Variants in ANGPT2 observed in about 807,000 individuals in gnomAD.
ANGPT2 encodes angiopoietin-2.
Under a neutral mutation model 62.9 loss-of-function variants are expected in ANGPT2, and 28 were observed. The ratio of observed to expected loss-of-function variants is 0.44; its 90% CI spans 0.33 to 0.61. The LOEUF (loss-of-function observed/expected upper bound fraction) is 0.61, where lower values mean the gene tolerates loss of function less well. Ranked by LOEUF, ANGPT2 falls within the 20% of genes least tolerant of loss-of-function variation. The pLI is 0.03. For missense variants in ANGPT2, 727 were observed against 594.9 expected (o/e 1.22, Z -2.31); for synonymous variants, 284 against 207.8 (o/e 1.37, Z -3.15).
At chr8:6,515,908 C>T (rs1816178763) in intron 5 of ANGPT2, among the ~76,000 whole-genome samples, 1 of 152,172 alleles carries the variant, frequency 6.6e-6, no homozygotes, top group South Asian at 2.1e-4. Context: ...TATTCCTGTT[C>T]TTTCATTTCC....
At position 6,505,263 on chromosome 8, in the gene ANGPT2, T is replaced by TATATAC. The variant is rs1563305315; in HGVS notation, c.1328-2003_1328-2002insGTATAT. On this transcript the variant is annotated intron_variant, in intron 8 of 8. Transcript: ENST00000629816. Reference sequence around the variant, plus strand: ...GAATATATATTCTTTATATATGTTTTATATATATGTATACATATATATGTT... The same window carrying TATATAC: ...GAATATATATTCTTTATATATGTTTTATATACATATATATGTATACATATATATGTT... Among the ~76,000 whole-genome samples, 3 of 78,028 alleles carry TATATAC rather than the reference T, an allele frequency of 3.8e-5. 1 individual carries two copies. Among genetic ancestry groups the TATATAC allele is most frequent in the African/African-American group, 1.4e-4 (3 of 21,680 alleles). 51.2% of individuals were successfully genotyped at this position (78,028 alleles called of 152,430 possible).
intron 1 of ANGPT2, among the ~76,000 whole-genome samples, chr8:6,554,013 G>C (rs1214725505): frequency 2.0e-5 from 3 of 151,606 alleles, no homozygotes; most frequent in African/African-American, 4.9e-5. Context: ...GCACAACTCA[G>C]GTTTAACCTT....
rs138666832 is a variant in ANGPT2 at position 6,549,684 on chromosome 8, C to T, written c.288+12963G>A. ...GCTGCCTGCAGGGGAAGAAGCCTTC[C>T]GTATCGAGCTGGGCGGTCATTACAC... On this transcript the variant is annotated intron_variant, in intron 1 of 8. Transcript: ENST00000629816. 3.8e-3 allele frequency among the ~76,000 whole-genome samples: 503 copies of T among 134,038 alleles called. 5 individuals are homozygous for T. The highest frequency in any genetic ancestry group is 5.6e-3 in the Non-Finnish European group (361 of 64,072). 87.9% of individuals were successfully genotyped at this position (134,038 alleles called of 152,430 possible).
chr8:6,532,592 ATCT>A, intron 1 of ANGPT2, 105 bp from the exon 2 acceptor site: 26 of 806,010 alleles, frequency 3.2e-5, no homozygotes, highest in Non-Finnish European at 4.6e-5. Context: ...AAAAAAAAAA[ATCT>A]ATCAAAAGAC....
chr8:6,532,609 T>A, intron 1 of ANGPT2, 122 bp from the exon 2 acceptor site: 1 of 696,588 alleles, frequency 1.4e-6, no homozygotes, highest in Non-Finnish European at 2.1e-6. Context: ...AAAAGACTTG[T>A]ACCTTGCCTT....
chr8:6,534,774 T>C (rs1820198348), intron 1 of ANGPT2, among the ~76,000 whole-genome samples: 1 of 152,248 alleles, frequency 6.6e-6, no homozygotes, highest in African/African-American at 2.4e-5. Context: ...TCAGGCTTTT[T>C]AGTGTGTGTG....
At chr8:6,503,985 A>T (rs994018445) in intron 8 of ANGPT2, among the ~76,000 whole-genome samples, 9 of 152,218 alleles carry the variant, frequency 5.9e-5, no homozygotes, top group African/African-American at 2.2e-4. Context: ...ACCTGAAGTC[A>T]GCTGGGCCAA....
At chr8:6,541,766 G>A (rs1821621823) in intron 1 of ANGPT2, among the ~76,000 whole-genome samples, 1 of 152,088 alleles carries the variant, frequency 6.6e-6, no homozygotes, top group Non-Finnish European at 1.5e-5. Context: ...TACTTTAGGG[G>A]GCCAAGGTAG....
intron 1 of ANGPT2, among the ~76,000 whole-genome samples, chr8:6,551,277 G>T (rs191495494): frequency 7.6e-4 from 116 of 152,214 alleles, no homozygotes; most frequent in African/African-American, 2.6e-3. Flanking sequence ...TTTAGTGGTA[G>T]CGGTATTTAG....
intron 7 of ANGPT2, among the ~76,000 whole-genome samples, chr8:6,512,206 C>T (rs1815281910): frequency 6.6e-6 from 1 of 152,230 alleles, no homozygotes; most frequent in South Asian, 2.1e-4. Context: ...AATTTTCATC[C>T]ACTGTTTGTA....
At chr8:6,533,574 T>TC (rs1477228265) in intron 1 of ANGPT2, among the ~76,000 whole-genome samples, 6 of 124,030 alleles carry the variant, frequency 4.8e-5, no homozygotes, top group African/African-American at 1.6e-4. Context: ...AGTTTCTTTT[T>TC]TTTTTTTTTT....
intron 8 of ANGPT2, among the ~76,000 whole-genome samples, chr8:6,507,360 A>G (rs1344388891): frequency 1.3e-5 from 2 of 152,140 alleles, no homozygotes; most frequent in African/African-American, 2.4e-5. Context: ...GTTCTCTAGA[A>G]ATTAAACCCT....
chr8:6,550,459 C>G (rs899666767), intron 1 of ANGPT2, among the ~76,000 whole-genome samples: 1 of 152,230 alleles, frequency 6.6e-6, no homozygotes, highest in Non-Finnish European at 1.5e-5. Flanking sequence ...GCATCCAGCG[C>G]GTCCTCACCT....
At chr8:6,523,503 A>G (rs1817744738) in intron 3 of ANGPT2, among the ~76,000 whole-genome samples, 2 of 152,254 alleles carry the variant, frequency 1.3e-5, no homozygotes, top group Non-Finnish European at 2.9e-5. Flanking sequence ...CCAAGAGAGT[A>G]GAGACTATGT....
chr8:6,559,936 T>G (rs368125011), intron 1 of ANGPT2, among the ~76,000 whole-genome samples: 166 of 152,210 alleles, frequency 1.1e-3, no homozygotes, highest in South Asian at 5.4e-3. Flanking sequence ...TTCCTCTGAG[T>G]TCATTCAGAA....
At chr8:6,511,226 C>T (rs1490603852) in intron 7 of ANGPT2, among the ~76,000 whole-genome samples, 1 of 151,120 alleles carries the variant, frequency 6.6e-6, no homozygotes, top group South Asian at 2.1e-4. Context: ...AAAGTGCTTT[C>T]TTTAAAATTT....
At chr8:6,548,245 T>A (rs1038626112) in intron 1 of ANGPT2, among the ~76,000 whole-genome samples, 2 of 152,152 alleles carry the variant, frequency 1.3e-5, no homozygotes, top group Admixed American at 1.3e-4. Flanking sequence ...TTGTCCAAAA[T>A]GCCTTTCCTG....
intron 1 of ANGPT2, among the ~76,000 whole-genome samples, chr8:6,553,406 G>C (rs931467595): frequency 6.6e-6 from 1 of 152,158 alleles, no homozygotes; most frequent in Non-Finnish European, 1.5e-5. Flanking sequence ...TGGTTACATA[G>C]TTAAAAGTAC....
chr8:6,539,851 T>C (rs1433888595), intron 1 of ANGPT2, among the ~76,000 whole-genome samples: 3 of 152,228 alleles, frequency 2.0e-5, no homozygotes, highest in Admixed American at 2.0e-4. Flanking sequence ...CCTCCCAAAG[T>C]GCTAGGATTA....
Sources: gnomAD v4.1 joint callset for allele counts (sites outside exome capture counted in the v4.1 genomes callset) on GRCh38, gnomAD v4.1.1 for gene constraint, MANE v1.5 for transcripts, NCBI Gene and HGNC (gene_info 2026-07-23, HGNC 2026-07-21) for gene names.